Variants in NTN1 observed in about 807,000 individuals in gnomAD.
The protein encoded by NTN1 is netrin-1.
Under a neutral mutation model 54.2 loss-of-function variants are expected in NTN1, and 11 were observed. The observed-to-expected ratio is 0.20, with a 90% CI of 0.13 to 0.34. NTN1 has a LOEUF of 0.34. NTN1 is among the 10% of genes least tolerant of loss of function. NTN1 has a pLI of 1.00. For synonymous variants in NTN1, 371 were observed against 382.0 expected, an observed-to-expected ratio of 0.97 and a Z score of 0.33; for missense variants, 740 against 893.1, an observed-to-expected ratio of 0.83 and a Z score of 2.18.
At chr17:9,073,005 C>T (rs773882536) in intron 2 of NTN1, among the ~76,000 whole-genome samples, 1 of 152,232 alleles carries the variant, frequency 6.6e-6, no homozygotes, top group Non-Finnish European at 1.5e-5. Context: ...CATGATTACC[C>T]CAAAGTCTCC....
chr17:9,036,283 C>T (rs149535394), intron 2 of NTN1, among the ~76,000 whole-genome samples: 2 of 152,104 alleles, frequency 1.3e-5, no homozygotes, highest in East Asian at 3.9e-4. Context: ...GTTAAGGTGC[C>T]TGAGGTCACA....
chr17:9,218,915 G>GGA (rs1391961956), intron 5 of NTN1, among the ~76,000 whole-genome samples: 24 of 141,176 alleles, frequency 1.7e-4, no homozygotes, highest in African/African-American at 6.3e-4. Flanking sequence ...TGGCTTTTGT[G>GGA]AAAAAAAAAA....
intron 2 of NTN1, among the ~76,000 whole-genome samples, chr17:9,068,728 G>A (rs915565408): frequency 1.3e-5 from 2 of 151,982 alleles, no homozygotes; most frequent in Non-Finnish European, 2.9e-5. Flanking sequence ...GGCTGGTCTC[G>A]AACTCCTGAC....
chr17:9,172,640 A>G (rs1195131780), intron 3 of NTN1, among the ~76,000 whole-genome samples: 1 of 152,224 alleles, frequency 6.6e-6, no homozygotes, highest in African/African-American at 2.4e-5. Flanking sequence ...AAAACACTTG[A>G]ATGGAAACAT....
At chr17:9,013,131 T>A in the NTN1 span, among the ~76,000 whole-genome samples, 3 of 152,004 alleles carry the variant, frequency 2.0e-5, no homozygotes, top group Non-Finnish European at 2.9e-5. Flanking sequence ...GGTAGCCAGG[T>A]CTGTTCTGCC....
chr17:9,029,201 G>T (rs1296371413), intron 2 of NTN1, among the ~76,000 whole-genome samples: 1 of 152,140 alleles, frequency 6.6e-6, no homozygotes, highest in Non-Finnish European at 1.5e-5. Context: ...GTTGCGTCCT[G>T]AAGACAGACC....
Position 9,221,342 on chromosome 17 carries a change from G to T in NTN1, c.1486+100G>T. 1.1e-6 allele frequency: 1 copy of T among 877,004 alleles called. No individual in the cohort carries two copies. Among genetic ancestry groups the T allele is most frequent in the South Asian group, 1.3e-5 (1 of 75,566 alleles). The allele number at this position is 877,004 out of a possible 1,614,324, so 54.3% of individuals were successfully genotyped here. A position where few individuals can be genotyped will look rare whatever the true frequency, so the allele number is the denominator to read the frequency against. On this transcript the variant is annotated intron_variant, in intron 6 of 6. Transcript: ENST00000173229. This position sits in a 1 kb window ranked among gnomAD's most constrained non-coding sequence, Gnocchi z 4.5. ...AGCTGGCCCCCGATGGGTGTTGGTC[G>T]TGAAGACCCTGTGACCGATGGGAAC...
At chr17:9,090,045 G>A (rs1217757209) in intron 2 of NTN1, among the ~76,000 whole-genome samples, 7 of 152,174 alleles carry the variant, frequency 4.6e-5, no homozygotes, top group Admixed American at 4.6e-4. Context: ...GACATGGTGG[G>A]AAAGGCTGAG....
intron 2 of NTN1, among the ~76,000 whole-genome samples, chr17:9,051,670 C>T (rs1009046807): frequency 7.2e-5 from 11 of 152,026 alleles, no homozygotes; most frequent in African/African-American, 2.2e-4. Context: ...CATCACCTCA[C>T]GTAATTATTT....
chr17:9,237,998 C>T (rs954470647), intron 6 of NTN1, among the ~76,000 whole-genome samples: 6 of 152,170 alleles, frequency 3.9e-5, no homozygotes, highest in Admixed American at 3.9e-4. Context: ...CGGGAAAATC[C>T]GCTTCCCTCA....
At chr17:9,196,418 C>T (rs1597532257) in intron 5 of NTN1, among the ~76,000 whole-genome samples, 3 of 152,218 alleles carry the variant, frequency 2.0e-5, no homozygotes, top group Admixed American at 6.5e-5. Context: ...TACCAGCTGC[C>T]GCCTCCTGTG....
intron 2 of NTN1, among the ~76,000 whole-genome samples, chr17:9,131,581 C>CTTTT (rs11361363): frequency 7.5e-6 from 1 of 134,064 alleles, no homozygotes; most frequent in African/African-American, 2.7e-5. Context: ...TCCCTTGATG[C>CTTTT]TTTTTTTTTT....
At chr17:9,129,618 C>T (rs2092257943) in intron 2 of NTN1, among the ~76,000 whole-genome samples, 1 of 152,186 alleles carries the variant, frequency 6.6e-6, no homozygotes, top group African/African-American at 2.4e-5. Context: ...TCACCCTCGG[C>T]GTCTGCCTCC....
intron 2 of NTN1, among the ~76,000 whole-genome samples, chr17:9,144,133 T>C (rs904398014): frequency 1.3e-5 from 2 of 152,072 alleles, no homozygotes; most frequent in African/African-American, 2.4e-5. Flanking sequence ...TGACCTCAGG[T>C]GATCCACCCA....
chr17:9,217,058 A>G (rs79904428), intron 5 of NTN1, among the ~76,000 whole-genome samples: 2 of 151,778 alleles, frequency 1.3e-5, no homozygotes, highest in South Asian at 4.1e-4. Flanking sequence ...AAAAAAAAAA[A>G]AGAAATATAA....
At chr17:9,167,661 C>T (rs1200754276) in intron 3 of NTN1, among the ~76,000 whole-genome samples, 1 of 152,206 alleles carries the variant, frequency 6.6e-6, no homozygotes, top group Non-Finnish European at 1.5e-5. Flanking sequence ...AGCATGCAAT[C>T]GTCCTCACAT....
the NTN1 span, among the ~76,000 whole-genome samples, chr17:9,005,753 C>T: frequency 1.3e-5 from 2 of 152,176 alleles, no homozygotes; most frequent in Non-Finnish European, 2.9e-5. Context: ...CAGTATCCTC[C>T]AGAATGTGCA....
intron 6 of NTN1, among the ~76,000 whole-genome samples, chr17:9,232,788 G>A (rs1305890385): frequency 6.6e-6 from 1 of 152,152 alleles, no homozygotes; most frequent in Non-Finnish European, 1.5e-5. Context: ...CCGGCAAGGA[G>A]TCAGGAGAGG....
At chr17:9,043,390 C>A (rs989875654) in intron 2 of NTN1, among the ~76,000 whole-genome samples, 6 of 152,048 alleles carry the variant, frequency 3.9e-5, no homozygotes, top group Admixed American at 3.9e-4. Flanking sequence ...AAAATTATTC[C>A]CATTTTACAT....
Sources: gnomAD v4.1 joint callset for allele counts (sites outside exome capture counted in the v4.1 genomes callset) on GRCh38, gnomAD v4.1.1 for gene constraint, Gnocchi (gnomAD v3.1) non-coding constraint, MANE v1.5 for transcripts, NCBI Gene and HGNC (gene_info 2026-07-23, HGNC 2026-07-21) for gene names.